Variants in DLGAP1 observed in about 807,000 individuals in gnomAD.
DLGAP1 encodes disks large-associated protein 1.
DLGAP1 carries 11 observed loss-of-function variants against 90.8 expected under a neutral mutation model. The observed-to-expected ratio is 0.12, with a 90% CI of 0.08 to 0.20. The LOEUF (loss-of-function observed/expected upper bound fraction) is 0.20. Ranked by LOEUF, DLGAP1 falls within the 10% of genes least tolerant of loss-of-function variation. The pLI is 1.00. For synonymous variants in DLGAP1, 558 were observed against 540.7 expected, an observed-to-expected ratio of 1.03 and a Z score of -0.44; for missense variants, 1,050 against 1,333.8, an observed-to-expected ratio of 0.79 and a Z score of 3.31.
chr18:4,050,733 T>C (rs1302147695), intron 2 of DLGAP1, among the ~76,000 whole-genome samples: 1 of 152,238 alleles, frequency 6.6e-6, no homozygotes, highest in Non-Finnish European at 1.5e-5. Flanking sequence ...TGATTTATAT[T>C]CCATTAACTG....
intron 3 of DLGAP1, among the ~76,000 whole-genome samples, chr18:3,960,033 A>T (rs1214539349): frequency 2.0e-5 from 3 of 152,188 alleles, no homozygotes; most frequent in African/African-American, 7.2e-5. Flanking sequence ...CACAGACCTC[A>T]GGAAAATCCT....
At chr18:3,697,231 G>C (rs886251317) in intron 7 of DLGAP1, among the ~76,000 whole-genome samples, 1 of 151,912 alleles carries the variant, frequency 6.6e-6, no homozygotes, top group Non-Finnish European at 1.5e-5. Flanking sequence ...TCTTCTGCTA[G>C]CTTTTGCATT....
At chr18:3,990,183 T>C (rs2073933485) in intron 3 of DLGAP1, among the ~76,000 whole-genome samples, 3 of 152,108 alleles carry the variant, frequency 2.0e-5, no homozygotes, top group Non-Finnish European at 4.4e-5. Context: ...CACATGCACG[T>C]GTATGTTTAT....
chr18:3,596,964 T>C (rs977914049), intron 7 of DLGAP1: 1 of 519,996 alleles, frequency 1.9e-6, no homozygotes, highest in Non-Finnish European at 3.8e-6. Context: ...GTCCACCCGA[T>C]GTCCCCCATT....
intron 2 of DLGAP1, among the ~76,000 whole-genome samples, chr18:4,087,330 C>T (rs1319392499): frequency 3.9e-5 from 6 of 151,960 alleles, no homozygotes; most frequent in African/African-American, 7.3e-5. Context: ...ATGCCCACAA[C>T]AGGTTTACCA....
At chr18:3,776,115 C>A (rs971839581) in intron 5 of DLGAP1, among the ~76,000 whole-genome samples, 1 of 152,044 alleles carries the variant, frequency 6.6e-6, no homozygotes, top group Non-Finnish European at 1.5e-5. Flanking sequence ...AGGGAAAAGA[C>A]GGGGAAGATG....
At chr18:3,555,612 A>G (rs531033175) in intron 9 of DLGAP1, among the ~76,000 whole-genome samples, 2 of 152,142 alleles carry the variant, frequency 1.3e-5, no homozygotes, top group African/African-American at 2.4e-5. Flanking sequence ...GGAGTTCGAG[A>G]CCAGCCTGAC....
chr18:4,115,497 T>TC (rs2076048318), intron 2 of DLGAP1, among the ~76,000 whole-genome samples: 3 of 140,622 alleles, frequency 2.1e-5, no homozygotes, highest in South Asian at 2.1e-4. Flanking sequence ...TTTCTTTCTT[T>TC]TTTTTTGAGA....
At chr18:4,408,962 C>T (rs2082719386) in intron 1 of DLGAP1, among the ~76,000 whole-genome samples, 1 of 20,194 alleles carries the variant, frequency 5.0e-5, no homozygotes, top group Non-Finnish European at 8.9e-5. Context: ...AACCATTATA[C>T]ACACACACAC....
At chr18:3,533,067 G>C (rs574822950) in intron 10 of DLGAP1, among the ~76,000 whole-genome samples, 5 of 152,092 alleles carry the variant, frequency 3.3e-5, no homozygotes, top group Non-Finnish European at 7.4e-5. Flanking sequence ...CGAGGTGGGC[G>C]GATTGCCTGA....
At chr18:4,024,175 T>G (rs1375348094) in intron 2 of DLGAP1, among the ~76,000 whole-genome samples, 1 of 152,214 alleles carries the variant, frequency 6.6e-6, no homozygotes, top group African/African-American at 2.4e-5. Context: ...TATACAAATA[T>G]CATCCCTCTT....
chr18:3,809,604 A>T (rs533598533), intron 5 of DLGAP1, among the ~76,000 whole-genome samples: 2 of 152,206 alleles, frequency 1.3e-5, no homozygotes, highest in South Asian at 4.1e-4. Flanking sequence ...CCAGTTTCAG[A>T]GGAGTTTCAA....
Position 3,850,646 on chromosome 18 carries a change from T to C in DLGAP1, c.957+28466A>G, listed in dbSNP as rs113805793. Among the ~76,000 whole-genome samples the C allele has an allele frequency of 6.4e-4, 98 of 152,242 alleles. 1 individual carries two copies. The highest frequency in any genetic ancestry group is 2.2e-3 in the African/African-American group (92 of 41,532). ...AAACACTGAAGATAGACAAGACTTT[T>C]GAAGCTTTAAAGAAATATGTTCTGT... On this transcript the variant is annotated intron_variant, in intron 4 of 12. Transcript: ENST00000315677.
intron 7 of DLGAP1, among the ~76,000 whole-genome samples, chr18:3,696,181 G>A (rs1598381976): frequency 2.0e-5 from 3 of 152,012 alleles, no homozygotes; most frequent in Admixed American, 6.6e-5. Context: ...ATTTGAATAC[G>A]CTTTATTTCT....
intron 3 of DLGAP1, among the ~76,000 whole-genome samples, chr18:3,984,932 A>G (rs773724900): frequency 5.3e-5 from 8 of 151,994 alleles, no homozygotes; most frequent in Non-Finnish European, 1.2e-4. Context: ...AGACAGGTTT[A>G]TTGACCCATC....
chr18:4,396,484 A>C (rs1598351584), intron 1 of DLGAP1, among the ~76,000 whole-genome samples: 1 of 152,318 alleles, frequency 6.6e-6, no homozygotes, highest in African/African-American at 2.4e-5. Flanking sequence ...GCTACTCTGA[A>C]GTCCAAGAGA....
chr18:3,523,804 C>A (rs567923828), intron 10 of DLGAP1, among the ~76,000 whole-genome samples: 1 of 150,088 alleles, frequency 6.7e-6, no homozygotes, highest in Non-Finnish European at 1.5e-5. Flanking sequence ...GCTGAGATAG[C>A]GCCACTGCAC....
chr18:3,858,454 T>G (rs542590458), intron 4 of DLGAP1, among the ~76,000 whole-genome samples: 1 of 139,822 alleles, frequency 7.2e-6, no homozygotes, highest in South Asian at 2.2e-4. Context: ...TTAAAAATTA[T>G]ATCATATACA....
intron 1 of DLGAP1, among the ~76,000 whole-genome samples, chr18:4,201,529 G>T (rs548544440): frequency 6.6e-6 from 1 of 152,046 alleles, no homozygotes; most frequent in Admixed American, 6.5e-5. Flanking sequence ...CTATATCCTT[G>T]TAATATAATT....
Sources: gnomAD v4.1 joint callset for allele counts (sites outside exome capture counted in the v4.1 genomes callset) on GRCh38, gnomAD v4.1.1 for gene constraint, MANE v1.5 for transcripts, NCBI Gene and HGNC (gene_info 2026-07-23, HGNC 2026-07-21) for gene names.